The following MARS1 variants were observed in gnomAD, a reference collection of about 807,000 sequenced individuals.
The protein encoded by MARS1 is methionine--tRNA ligase, cytoplasmic.
MARS1 carries 80 observed loss-of-function variants against 119.5 expected under a neutral mutation model. That is an observed-to-expected ratio of 0.67 (90% CI 0.56 to 0.81). The LOEUF is 0.81. Ranked by LOEUF, MARS1 falls within the 30% of genes least tolerant of loss-of-function variation. The pLI, the probability that MARS1 is intolerant of heterozygous loss-of-function variation, is 0.00. For missense variants in MARS1, 945 were observed against 1,116.5 expected (o/e 0.85, Z 2.19); for synonymous variants, 418 against 433.4 (o/e 0.96, Z 0.44).
chr12:57,511,761 G>A lies in MARS1; in HGVS notation c.1432G>A (p.Ala478Thr). 1 of 1,614,202 alleles carries A rather than the reference G, an allele frequency of 6.2e-7. No homozygotes were observed. Among genetic ancestry groups the A allele is most frequent in the Non-Finnish European group, 8.5e-7 (1 of 1,180,030 alleles). The change falls in exon 12 of 21, where the codon GCC becomes ACC. Residue 478 changes from alanine (A) to threonine (T), a missense_variant. Physicochemically the swap from Ala to Thr is moderately conservative, Grantham distance 58 (BLOSUM62 0). Transcript: ENST00000262027. ...GCCTGGCAGTGACTGGACACCCAAT[G>A]CCCAGTTTATCACCCGTTCTTGGCT... is the stretch of plus-strand genomic sequence containing the variant. ...TLPGSDWTPN[A>T]QFITRSWLRD...
intron 14 of MARS1, 64 bp from the exon 15 acceptor site, chr12:57,512,687 G>A: frequency 3.2e-6 from 4 of 1,265,398 alleles, no homozygotes; most frequent in Non-Finnish European, 4.6e-6. Flanking sequence ...GGAAGAGTTA[G>A]TGGGCTAGAG....
intron 1 of MARS1, 37 bp from the exon 2 acceptor site, chr12:57,488,982 T>C (rs969018853): frequency 1.5e-5 from 5 of 338,392 alleles, no homozygotes; most frequent in East Asian, 1.1e-4. Flanking sequence ...TTTCTTTTCC[T>C]TTTTTTTTTT....
intron 14 of MARS1, 196 bp from the exon 15 acceptor site, chr12:57,512,555 T>C: frequency 4.7e-6 from 3 of 640,264 alleles, no homozygotes; most frequent in Non-Finnish European, 5.4e-6. Flanking sequence ...CTTTAGTAGA[T>C]ATAAGCAAAG....
intron 11 of MARS1, among the ~76,000 whole-genome samples, chr12:57,506,152 G>C (rs972306670): frequency 3.3e-5 from 5 of 152,208 alleles, no homozygotes; most frequent in Non-Finnish European, 7.3e-5. Flanking sequence ...AGCTACTCAG[G>C]AGGCTGAGGT....
chr12:57,495,627 C>T (rs1025679477), intron 7 of MARS1, among the ~76,000 whole-genome samples: 3 of 152,202 alleles, frequency 2.0e-5, no homozygotes, highest in African/African-American at 4.8e-5. Flanking sequence ...GCAATCTTGG[C>T]ACTTTGGGAG....
chr12:57,489,240 A>G (rs779818029), intron 2 of MARS1, 27 bp from the exon 3 acceptor site: 18 of 1,612,510 alleles, frequency 1.1e-5, no homozygotes, highest in Non-Finnish European at 1.4e-5. Context: ...CTCTAAGTCC[A>G]TCATCTGTTG....
chr12:57,488,163 A>C lies in MARS1; in HGVS notation c.73A>C (p.Arg25=). ...GGCCGCCGCCGGGAGAGCCCGGGGCAGAGCAGAGGTGCTCATCAGCACTGT... is the reference window on the plus strand; with the variant it reads ...GGCCGCCGCCGGGAGAGCCCGGGGCCGAGCAGAGGTGCTCATCAGCACTGT... ...VLAAAGRARG[R]AEVLISTVGP... is the part of the protein sequence containing the mutation. The change falls in exon 1 of 21, where the codon AGA becomes CGA. Residue 25 remains arginine (R), a synonymous_variant. Transcript: ENST00000262027. 6.2e-7 allele frequency: 1 copy of C among 1,614,148 alleles called. No individual in the cohort carries two copies. The highest frequency in any genetic ancestry group is 8.5e-7 in the Non-Finnish European group (1 of 1,180,018).
chr12:57,493,782 T>A (rs375923948), intron 7 of MARS1, among the ~76,000 whole-genome samples: 6 of 1,864 alleles, frequency 3.2e-3, no homozygotes, highest in South Asian at 0.053. Context: ...ATAATATATA[T>A]TATATATTAT....
intron 11 of MARS1, among the ~76,000 whole-genome samples, chr12:57,508,844 A>G (rs1679366): frequency 0.97 from 148,185 of 152,302 alleles, 72,209 homozygotes; most frequent in East Asian, 1. Flanking sequence ...TTACAGGTGT[A>G]AGCCACTGCG....
chr12:57,498,330 T>C, intron 8 of MARS1, 57 bp downstream of exon 8: 1 of 1,597,886 alleles, frequency 6.3e-7, no homozygotes, highest in Non-Finnish European at 8.6e-7. Context: ...CCCAGGGGAA[T>C]AGGATGCTTC....
chr12:57,488,288 G>A, intron 1 of MARS1, 89 bp downstream of exon 1: 2 of 1,264,296 alleles, frequency 1.6e-6, no homozygotes, highest in East Asian at 2.3e-5. Flanking sequence ...CAAACCCCTA[G>A]CCCTCGCCAC....
rs1876736600 is a variant in MARS1 at position 57,498,272 on chromosome 12, AG to A, written c.887+1del. 1 of 1,613,510 alleles carries A rather than the reference AG, an allele frequency of 6.2e-7. No homozygotes were observed. The highest frequency in any genetic ancestry group is 8.5e-7 in the Non-Finnish European group (1 of 1,179,418). ...TGTGCTCAGTGCCGATGTCTTTGCC[AG>A]GTGGAGCCAGCTGCTCGGGGAGAGA... ...GCVLSADVFA[R>X]YSRLRQWNTL... On this transcript the variant is annotated frameshift_variant and splice_region_variant, in exon 8 of 21. Coordinates refer to ENST00000262027, the MANE Select transcript of MARS1 (RefSeq NM_004990.4). LOFTEE classifies it high-confidence loss of function.
chr12:57,494,565 G>A (rs1876488819), intron 7 of MARS1, among the ~76,000 whole-genome samples: 1 of 146,632 alleles, frequency 6.8e-6, no homozygotes, highest in Admixed American at 6.9e-5. Flanking sequence ...AGGGGGATTT[G>A]GCAGGGTCAT....
intron 11 of MARS1, 113 bp from the exon 12 acceptor site, chr12:57,511,583 CAA>C (rs965917822): frequency 1.9e-6 from 2 of 1,054,936 alleles, no homozygotes; most frequent in Middle Eastern, 3.2e-4. Flanking sequence ...ACTCTGTCTC[CAA>C]AAAAAAAGTT....
At chr12:57,510,464 C>A (rs971521465) in intron 11 of MARS1, among the ~76,000 whole-genome samples, 11 of 151,718 alleles carry the variant, frequency 7.3e-5, no homozygotes, top group Non-Finnish European at 1.3e-4. Context: ...CTGAGCAAGA[C>A]TCCAGCTCAA....
intron 7 of MARS1, among the ~76,000 whole-genome samples, chr12:57,491,681 C>T (rs1282215750): frequency 6.6e-6 from 1 of 152,180 alleles, no homozygotes; most frequent in African/African-American, 2.4e-5. Context: ...TCGATGGTTC[C>T]TTTGTGTAAT....
Position 57,515,349 on chromosome 12 carries a change from GC to G in MARS1, c.2391+15del. On this transcript the variant is annotated intron_variant, in intron 18 of 20. Transcript: ENST00000262027. ...CCAGATTGGCACAGTAGGTGGAAGA[GC>G]CAGCCTCTCTTAAAATTGATACTCT... 1 of 1,609,570 alleles carries G rather than the reference GC, an allele frequency of 6.2e-7. No homozygotes were observed. The highest frequency in any genetic ancestry group is 8.5e-7 in the Non-Finnish European group (1 of 1,179,170).
chr12:57,515,698 C>G (rs1180719965), intron 18 of MARS1, among the ~76,000 whole-genome samples: 1 of 152,188 alleles, frequency 6.6e-6, no homozygotes, highest in Non-Finnish European at 1.5e-5. Flanking sequence ...CTGGATCAGC[C>G]TAGCATCCTT....
At chr12:57,506,027 G>C (rs2140025978) in intron 11 of MARS1, among the ~76,000 whole-genome samples, 1 of 152,212 alleles carries the variant, frequency 6.6e-6, no homozygotes, top group East Asian at 1.9e-4. Context: ...GGCTACCTAG[G>C]TGGGCCGATG....
Sources: gnomAD v4.1 joint callset for allele counts (sites outside exome capture counted in the v4.1 genomes callset) on GRCh38, gnomAD v4.1.1 for gene constraint, MANE v1.5 for transcripts, NCBI Gene and HGNC (gene_info 2026-07-23, HGNC 2026-07-21) for gene names.